DNAH10: variants seen among roughly 807,000 people sequenced by gnomAD.
The protein encoded by DNAH10 is axonemal beta dynein heavy chain 10.
DNAH10 carries 348 observed loss-of-function variants against 506.6 expected under a neutral mutation model. The observed-to-expected ratio is 0.69, with a 90% CI of 0.63 to 0.75. The LOEUF (loss-of-function observed/expected upper bound fraction) is 0.75, where lower values mean the gene tolerates loss of function less well. DNAH10 is among the 30% of genes least tolerant of loss of function. The probability of loss-of-function intolerance (pLI) is 0.00; values close to 1 mark genes in which losing one functional copy is unlikely to be tolerated. For missense variants in DNAH10, 5,179 were observed against 5,787.1 expected, an observed-to-expected ratio of 0.89 and a Z score of 3.41; for synonymous variants, 2,059 against 2,198.6, an observed-to-expected ratio of 0.94 and a Z score of 1.78.
rs376079493 is a variant in DNAH10, at chr12:123,801,796, ACTT to A, written c.2614+368_2614+370del. On this transcript the variant is annotated intron_variant, in intron 16 of 78. Coordinates refer to ENST00000673944, the MANE Select transcript of DNAH10 (RefSeq NM_001372106.1). ...CTTTAGTCATTTTCCCTAAGTAGTA[ACTT>A]CTTGCAAAACTAGTTAAGATCACAA... Among the ~76,000 whole-genome samples, 824 of 151,132 alleles carry A rather than the reference ACTT, an allele frequency of 5.5e-3. 7 individuals are homozygous for A. Among genetic ancestry groups the A allele is most frequent in the African/African-American group, 0.019 (786 of 40,586 alleles).
rs765567825 is a variant in DNAH10 at position 123,929,348 on chromosome 12, T to C, written c.12380T>C (p.Leu4127Pro). 6.2e-7 allele frequency: 1 copy of C among 1,610,282 alleles called. No homozygotes were observed. Among genetic ancestry groups the C allele is most frequent in the Admixed American group, 1.7e-5 (1 of 59,476 alleles). The change falls in exon 71 of 79, where the codon CTG becomes CCG. Residue 4127 changes from leucine (L) to proline (P), a missense_variant. Coordinates refer to ENST00000673944, the MANE Select transcript of DNAH10 (RefSeq NM_001372106.1). ...TACTTCAAGATCTCTCACGAAATGC[T>C]GGACCAGTGCCCGCACCCTGCCTTC... ...ATYFKISHEM[L>P]DQCPHPAFKP...
intron 41 of DNAH10, 59 bp downstream of exon 41, chr12:123,866,132 CAT>C (rs1951794983): frequency 2.2e-6 from 3 of 1,342,782 alleles, no homozygotes; most frequent in Non-Finnish European, 2.9e-6. Flanking sequence ...AGTTGGATAA[CAT>C]AGTCCAGAGG....
In DNAH10 at chr12:123,819,211, A is replaced by G. The variant is rs769241208; in HGVS notation, c.3961A>G (p.Ser1321Gly). The change falls in exon 23 of 79, where the codon AGT (serine) becomes GGT (glycine). Residue 1321 changes from serine (S) to glycine (G), a missense_variant. Physicochemically the swap from Ser to Gly is moderately conservative, Grantham distance 56. Coordinates refer to ENST00000673944, the MANE Select transcript of DNAH10 (RefSeq NM_001372106.1). ...AGAGGAGTTTGCAAAGCGTTTTTAC[A>G]GTGAAGGCCCTGGTTCTGTTGGTGA... ...QIEEFAKRFY[S>G]EGPGSVGDDL... The G allele has an allele frequency of 3.1e-6, 5 of 1,613,424 alleles. No homozygotes were observed. Among genetic ancestry groups the G allele is most frequent in the Non-Finnish European group, 3.4e-6 (4 of 1,179,784 alleles).
At chr12:123,924,047 T>C in intron 66 of DNAH10, 180 bp downstream of exon 66, 1 of 730,232 alleles carries the variant, frequency 1.4e-6, no homozygotes, top group Non-Finnish European at 2.2e-6. Context: ...CTGGTTGAAA[T>C]CGGAGCAGCC....
intron 19 of DNAH10, among the ~76,000 whole-genome samples, chr12:123,811,899 A>G (rs1958948928): frequency 6.6e-6 from 1 of 151,998 alleles, no homozygotes; most frequent in African/African-American, 2.4e-5. Context: ...TGCCTCCCAA[A>G]GTGCTGGGAT....
chr12:123,906,087 G>A (rs1214201779), intron 57 of DNAH10, among the ~76,000 whole-genome samples: 2 of 151,382 alleles, frequency 1.3e-5, no homozygotes, highest in African/African-American at 2.4e-5. Context: ...CCGCCACGAC[G>A]CCTGGCTAAT....
intron 65 of DNAH10, among the ~76,000 whole-genome samples, chr12:123,922,468 G>A (rs78131407): frequency 0.056 from 8,590 of 152,192 alleles, 734 homozygotes; most frequent in African/African-American, 0.18. Context: ...CAGAGGGTGG[G>A]TAGGACACAC....
intron 21 of DNAH10, 41 bp from the exon 22 acceptor site, chr12:123,818,909 A>T: frequency 7.3e-7 from 1 of 1,373,746 alleles, no homozygotes; most frequent in Non-Finnish European, 1.0e-6. Flanking sequence ...CAAATTGCTC[A>T]TCATTTGTTG....
intron 21 of DNAH10, among the ~76,000 whole-genome samples, chr12:123,814,609 A>ATTTT (rs1214217837): frequency 1.7e-4 from 21 of 121,188 alleles, no homozygotes; most frequent in South Asian, 2.6e-4. Context: ...GGCCAGGTAG[A>ATTTT]TTTTTTTTTT....
chr12:123,795,146 C>CAAAA (rs59542170), intron 12 of DNAH10, among the ~76,000 whole-genome samples: 1 of 112,244 alleles, frequency 8.9e-6, no homozygotes, highest in Admixed American at 1.0e-4. Context: ...AACTTCGTCT[C>CAAAA]AAAAAAAAAA....
In DNAH10 at chr12:123,898,774, C is replaced by A; in HGVS notation, c.9600C>A (p.Cys3200Ter). The A allele has an allele frequency of 6.2e-7, 1 of 1,612,124 alleles. No homozygotes were observed. Among genetic ancestry groups the A allele is most frequent in the South Asian group, 1.1e-5 (1 of 90,560 alleles). Residue 3200 changes from cysteine to a stop codon, truncating the protein, a stop_gained, in exon 56 of 79, where the codon TGC (cysteine) becomes TGA (stop). Coordinates refer to ENST00000673944, the MANE Select transcript of DNAH10 (RefSeq NM_001372106.1). LOFTEE classifies it high-confidence loss of function. ...KIVLAEKSAA[C>*]EALLEEIAVN... ...TGCTGGCGGAGAAGTCCGCCGCCTG[C>A]GAGGCCTTGCTGGAGGAGATCGCCG...
rs558490981 is a variant in DNAH10, at chr12:123,894,082, C to CTTTT, written c.9200-538_9200-535dup. Among the ~76,000 whole-genome samples, 136 of 89,156 alleles carry CTTTT rather than the reference C, an allele frequency of 1.5e-3. 17 individuals carry two copies. The highest frequency in any genetic ancestry group is 5.6e-3 in the African/African-American group (129 of 23,176). The allele number at this position is 89,156 out of a possible 152,430, so 58.5% of individuals were successfully genotyped here. ...GTCTCAGGGTTGCAGAATGAGCATC[C>CTTTT]TTTTTTTTTTTTTTTTTTTTTTTTT... is the stretch of plus-strand genomic sequence containing the variant. On this transcript the variant is annotated intron_variant, in intron 53 of 78. Coordinates refer to ENST00000673944, the MANE Select transcript of DNAH10 (RefSeq NM_001372106.1).
chr12:123,931,147 C>T (rs369589008), intron 73 of DNAH10, among the ~76,000 whole-genome samples, 194 bp from the exon 74 acceptor site: 2 of 151,768 alleles, frequency 1.3e-5, no homozygotes, highest in African/African-American at 2.4e-5. Context: ...CCCAGGAGGT[C>T]GAGGCTGTAG....
At chr12:123,885,276 C>T (rs76624017) in intron 51 of DNAH10, among the ~76,000 whole-genome samples, 2,189 of 152,346 alleles carry the variant, frequency 0.014, 24 homozygotes, top group Non-Finnish European at 0.023. Flanking sequence ...TTTTTCCCCA[C>T]TGTGTCACTG....
chr12:123,787,602 G>A lies in DNAH10; in HGVS notation c.1422-202G>A, dbSNP rs1957904985. ...CTGCACGCAGGTTGGCGGCTGCAAC[G>A]GAAACCTCGCAGCTTGGGACTCCCG... is the stretch of plus-strand genomic sequence containing the variant. On this transcript the variant is annotated intron_variant, in intron 9 of 78. Transcript: ENST00000673944. The surrounding 1 kb of genome is among the most constrained non-coding windows in gnomAD (Gnocchi z 4.6). Among the ~76,000 whole-genome samples, 1 of 152,368 alleles carries A rather than the reference G, an allele frequency of 6.6e-6. No individual in the cohort carries two copies. The highest frequency in any genetic ancestry group is 2.1e-4 in the South Asian group (1 of 4,830).
At chr12:123,929,887 G>A in intron 72 of DNAH10, 128 bp downstream of exon 72, 2 of 791,406 alleles carry the variant, frequency 2.5e-6, no homozygotes, top group Non-Finnish European at 4.0e-6. Context: ...GGGTTTCTGT[G>A]ACAATTCTCT....
intron 65 of DNAH10, chr12:123,923,554 T>A: frequency 2.2e-6 from 1 of 457,584 alleles, no homozygotes. Context: ...TACAGGAGCA[T>A]GTCACTACAG....
At chr12:123,841,197 C>T (rs774833033) in intron 29 of DNAH10, 125 bp from the exon 30 acceptor site, 30 of 945,140 alleles carry the variant, frequency 3.2e-5, no homozygotes, top group Middle Eastern at 2.7e-4. Context: ...ATCTTGCCTG[C>T]GATCTCGGCT....
rs551202727 is a variant in DNAH10 at position 123,859,161 on chromosome 12, G to A, written c.6642G>A (p.Val2214=). The A allele has an allele frequency of 3.0e-4, 488 of 1,609,690 alleles. 8 individuals carry two copies. The South Asian group carries it at 5.2e-3, about 17-fold the overall frequency. ...YAVLPIQVDK[V]VQMFETMLTR... ...TGTTTGTCCCGCAGGTGGATAAAGT[G>A]GTTCAAATGTTCGAGACCATGTTAA... Residue 2214 remains valine (V), a synonymous_variant, in exon 38 of 79, where the codon GTG becomes GTA. Transcript: ENST00000673944.
Sources: allele counts gnomAD v4.1 joint callset (sites outside exome capture counted in the v4.1 genomes callset), GRCh38; gene constraint gnomAD v4.1.1; non-coding constraint Gnocchi (gnomAD v3.1); transcripts MANE v1.5; gene names NCBI Gene and HGNC (gene_info 2026-07-23, HGNC 2026-07-21).